The following RBFOX1 variants were observed in gnomAD, a reference collection of about 807,000 sequenced individuals.
The protein encoded by RBFOX1 is RNA binding protein fox-1 homolog 1.
A neutral mutation model predicts 57.7 loss-of-function variants in RBFOX1; 8 were observed. That is an observed-to-expected ratio of 0.14 (90% CI 0.08 to 0.25). RBFOX1 has a LOEUF of 0.25. Among genes scored for constraint, RBFOX1 ranks in the 10% least tolerant of loss-of-function variants. RBFOX1 has a pLI of 1.00. For synonymous variants in RBFOX1, 326 were observed against 222.4 expected, an observed-to-expected ratio of 1.47 and a Z score of -4.15; for missense variants, 611 against 548.5, an observed-to-expected ratio of 1.11 and a Z score of -1.14.
intron 3 of RBFOX1, among the ~76,000 whole-genome samples, chr16:6,890,325 C>G (rs1385243579): frequency 2.0e-5 from 3 of 152,090 alleles, no homozygotes; most frequent in Non-Finnish European, 4.4e-5. Context: ...TCAAGACCAG[C>G]CTGGCCTACA....
At chr16:5,507,981 G>C (rs1349722275) in intron 2 of RBFOX1, among the ~76,000 whole-genome samples, 1 of 152,126 alleles carries the variant, frequency 6.6e-6, no homozygotes, top group Non-Finnish European at 1.5e-5. Flanking sequence ...GGCAGCCCTG[G>C]GAAGCTCACA....
At chr16:5,909,248 A>G (rs899603263) in intron 4 of RBFOX1, among the ~76,000 whole-genome samples, 1 of 151,282 alleles carries the variant, frequency 6.6e-6, no homozygotes, top group Non-Finnish European at 1.5e-5. Flanking sequence ...ACCCACCACC[A>G]CGCCTGGGTA....
At chr16:6,665,947 G>A (rs1224311205) in intron 3 of RBFOX1, among the ~76,000 whole-genome samples, 1 of 152,098 alleles carries the variant, frequency 6.6e-6, no homozygotes, top group African/African-American at 2.4e-5. Context: ...TTGTGAGAGG[G>A]ACCTGGTAGG....
intron 3 of RBFOX1, among the ~76,000 whole-genome samples, chr16:6,979,304 G>A (rs773689670): frequency 6.6e-5 from 10 of 152,136 alleles, no homozygotes; most frequent in Admixed American, 2.6e-4. Context: ...GATTAAACAC[G>A]CAGGATATAA....
chr16:5,306,856 A>G (rs2063950424), intron 1 of RBFOX1, among the ~76,000 whole-genome samples: 1 of 152,056 alleles, frequency 6.6e-6, no homozygotes, highest in Non-Finnish European at 1.5e-5. Flanking sequence ...AGCCTCCTCC[A>G]TGTTCTCTGC....
At chr16:5,281,976 G>T (rs1212167112) in intron 1 of RBFOX1, among the ~76,000 whole-genome samples, 3 of 152,146 alleles carry the variant, frequency 2.0e-5, no homozygotes, top group Non-Finnish European at 4.4e-5. Context: ...TGGTTATTTT[G>T]TATATCCTTT....
chr16:5,500,948 G>A (rs1357242626), intron 2 of RBFOX1, among the ~76,000 whole-genome samples: 5 of 152,140 alleles, frequency 3.3e-5, no homozygotes, highest in Admixed American at 2.6e-4. Flanking sequence ...TAAGCCCAGT[G>A]GTGCCTCTTC....
In RBFOX1 at chr16:7,627,704, C is replaced by CA. The variant is rs200456927; in HGVS notation, c.677-2892dup. Among the ~76,000 whole-genome samples, 513 of 152,098 alleles carry CA rather than the reference C, an allele frequency of 3.4e-3. 8 individuals are homozygous for CA. Among genetic ancestry groups the CA allele is most frequent in the Non-Finnish European group, 1.1e-3 (73 of 67,984 alleles). ...ACAAACACACTTACCTTTCCCTGCC[C>CA]AAAAAAATGCATGGAGGTTGCAGTG... On this transcript the variant is annotated intron_variant, in intron 10 of 15. Transcript: ENST00000550418.
chr16:5,606,689 G>C (rs1418553541), intron 3 of RBFOX1, among the ~76,000 whole-genome samples: 1 of 151,734 alleles, frequency 6.6e-6, no homozygotes, highest in Non-Finnish European at 1.5e-5. Context: ...TTGCTTTGTA[G>C]TGTAGGAAGA....
At chr16:6,775,059 C>T (rs2079075109) in intron 3 of RBFOX1, among the ~76,000 whole-genome samples, 1 of 151,804 alleles carries the variant, frequency 6.6e-6, no homozygotes, top group Non-Finnish European at 1.5e-5. Flanking sequence ...GGCGCAGTGG[C>T]TCACGCCTGT....
intron 4 of RBFOX1, among the ~76,000 whole-genome samples, chr16:7,426,429 C>T (rs891093769): frequency 6.6e-6 from 1 of 152,164 alleles, no homozygotes; most frequent in Non-Finnish European, 1.5e-5. Flanking sequence ...CTCCCCACCT[C>T]TGAATGCATT....
intron 3 of RBFOX1, among the ~76,000 whole-genome samples, chr16:6,848,381 C>T (rs890916070): frequency 1.3e-5 from 2 of 152,052 alleles, no homozygotes; most frequent in Non-Finnish European, 2.9e-5. Context: ...GAATGTTAGT[C>T]ACTAATACAA....
At chr16:6,166,183 C>A (rs533106006) in intron 1 of RBFOX1, among the ~76,000 whole-genome samples, 2 of 152,298 alleles carry the variant, frequency 1.3e-5, no homozygotes, top group East Asian at 3.9e-4. Context: ...AGTCACTGAC[C>A]TTGAAATAGG....
chr16:7,362,995 A>G (rs563441778), intron 4 of RBFOX1, among the ~76,000 whole-genome samples: 1 of 152,168 alleles, frequency 6.6e-6, no homozygotes, highest in South Asian at 2.1e-4. Context: ...GAAAAATAGG[A>G]TGAGACCCAC....
intron 1 of RBFOX1, among the ~76,000 whole-genome samples, chr16:6,302,568 A>T (rs908362247): frequency 1.3e-5 from 2 of 152,166 alleles, no homozygotes; most frequent in African/African-American, 2.4e-5. Flanking sequence ...CTATCTTGGT[A>T]TTGACAGCGT....
intron 1 of RBFOX1, among the ~76,000 whole-genome samples, chr16:6,032,229 C>G (rs185672730): frequency 6.6e-6 from 1 of 152,116 alleles, no homozygotes; most frequent in African/African-American, 2.4e-5. Context: ...GTATTTTCCT[C>G]GTTCTCGCCT....
At chr16:5,481,046 C>T (rs1004326849) in intron 2 of RBFOX1, among the ~76,000 whole-genome samples, 1 of 152,188 alleles carries the variant, frequency 6.6e-6, no homozygotes, top group African/African-American at 2.4e-5. Context: ...GCCTGTTATC[C>T]CACACAAGTC....
intron 1 of RBFOX1, among the ~76,000 whole-genome samples, chr16:6,206,370 T>C (rs2097255467): frequency 6.6e-6 from 1 of 152,180 alleles, no homozygotes; most frequent in Admixed American, 6.5e-5. Context: ...AGAGGTCTGG[T>C]TACTTCCTGC....
intron 3 of RBFOX1, among the ~76,000 whole-genome samples, chr16:6,697,528 C>A (rs12924272): frequency 0.071 from 10,752 of 152,192 alleles, 473 homozygotes; most frequent in African/African-American, 0.12. Flanking sequence ...ATCTGCTTTC[C>A]ATTGTGTGAT....
Sources: allele counts gnomAD v4.1 joint callset (sites outside exome capture counted in the v4.1 genomes callset), GRCh38; gene constraint gnomAD v4.1.1; transcripts MANE v1.5; gene names NCBI Gene and HGNC (gene_info 2026-07-23, HGNC 2026-07-21).